The following LARP7 variants were observed in gnomAD, a reference collection of about 807,000 sequenced individuals.
LARP7 encodes the protein La ribonucleoprotein 7, transcriptional regulator.
LARP7 carries 52 observed loss-of-function variants against 69.3 expected under a neutral mutation model. That is an observed-to-expected ratio of 0.75 (90% CI 0.60 to 0.95). The LOEUF is 0.95. LARP7 is among the 40% of genes least tolerant of loss of function. The pLI is 0.00. For missense variants in LARP7, 733 were observed against 673.0 expected (o/e 1.09, Z -0.99); for synonymous variants, 254 against 215.9 (o/e 1.18, Z -1.55).
At chr4:112,646,259 C>G (rs193207449) in intron 2 of LARP7, 92 bp from the exon 3 acceptor site, 7 of 632,200 alleles carry the variant, frequency 1.1e-5, no homozygotes, top group Non-Finnish European at 1.6e-5. Context: ...CATGAGCCAC[C>G]GAGCCTGAGG....
At position 112,645,372 on chromosome 4, in the gene LARP7, TAA is replaced by T. The variant is rs572473768; in HGVS notation, c.202+503_202+504del. On this transcript the variant is annotated intron_variant, in intron 2 of 12. Transcript: ENST00000344442. ...CTGTTGGTAACAGTTTAGGCTATAT[TAA>T]ATAAGCAATTTCAAATCAAAGCTTT... Among the ~76,000 whole-genome samples, 455 of 152,360 alleles carry T rather than the reference TAA, an allele frequency of 3.0e-3. 2 individuals are homozygous for T. Among genetic ancestry groups the T allele is most frequent in the African/African-American group, 8.2e-3 (340 of 41,584 alleles).
intron 1 of LARP7, chr4:112,638,026 T>C (rs2047761018): frequency 6.6e-6 from 1 of 152,360 alleles, no homozygotes; most frequent in South Asian, 2.1e-4. Context: ...CTGGGCACGG[T>C]GGCTCACGCC....
At chr4:112,648,470 A>C (rs763761427) in intron 8 of LARP7, 4 of 534,068 alleles carry the variant, frequency 7.5e-6, no homozygotes, top group Admixed American at 3.9e-5. Flanking sequence ...TATTTTGGAG[A>C]AGTAAATTGG....
intron 10 of LARP7, among the ~76,000 whole-genome samples, chr4:112,651,959 A>G (rs930055788): frequency 1.3e-5 from 2 of 152,008 alleles, no homozygotes; most frequent in African/African-American, 4.8e-5. Context: ...TTAACTAGGT[A>G]AAGAAGTGGG....
chr4:112,640,175 G>A (rs951923632), intron 1 of LARP7, among the ~76,000 whole-genome samples: 19 of 152,128 alleles, frequency 1.2e-4, no homozygotes, highest in African/African-American at 4.6e-4. Context: ...CTGACCTCAA[G>A]TGATACACCT....
chr4:112,647,587 A>ATTAATTAGT (rs71597609), intron 7 of LARP7, 38 bp downstream of exon 7: 7 of 1,414,328 alleles, frequency 4.9e-6, no homozygotes, highest in Non-Finnish European at 6.6e-6. Context: ...AAACTAATTA[A>ATTAATTAGT]TTTTAATTAA....
Position 112,644,740 on chromosome 4 carries a change from A to T in LARP7, c.71A>T (p.Glu24Val), listed in dbSNP as rs770446408. The change falls in exon 2 of 13, where the codon GAA (glutamate) becomes GTA (valine). Residue 24 changes from glutamate (E) to valine (V), a missense_variant. Glu to Val is a moderately radical substitution (Grantham distance 121). Transcript: ENST00000344442. ...AGCACTGAAAAGAAAAAAGAAGTTGAAAAAAAGAAACGGTCACGAGTTAAA... is the reference window on the plus strand; with the variant it reads ...AGCACTGAAAAGAAAAAAGAAGTTGTAAAAAAGAAACGGTCACGAGTTAAA... ...EESTEKKKEV[E>V]KKKRSRVKQV... 1 of 1,610,392 alleles carries T rather than the reference A, an allele frequency of 6.2e-7. No homozygotes were observed. The highest frequency in any genetic ancestry group is 1.3e-5 in the African/African-American group (1 of 74,936).
At chr4:112,646,561 T>C (rs770919509) in intron 3 of LARP7, 27 bp from the exon 4 acceptor site, 11 of 1,371,940 alleles carry the variant, frequency 8.0e-6, no homozygotes, top group Non-Finnish European at 9.9e-6. Flanking sequence ...AATATTAGTT[T>C]TATTAATGTA....
chr4:112,637,663 AAG>A (rs1186722973), intron 1 of LARP7: 1 of 152,272 alleles, frequency 6.6e-6, no homozygotes, highest in Non-Finnish European at 1.5e-5. Flanking sequence ...ATCGTCCTCA[AAG>A]AGTAAAAAAT....
At chr4:112,638,031 C>G (rs1038260445) in intron 1 of LARP7, 7 of 152,360 alleles carry the variant, frequency 4.6e-5, no homozygotes, top group African/African-American at 1.7e-4. Context: ...CACGGTGGCT[C>G]ACGCCTGTAA....
chr4:112,649,762 ATAAATT>A (rs2048622564), intron 9 of LARP7, 76 bp downstream of exon 9: 11 of 955,220 alleles, frequency 1.2e-5, no homozygotes, highest in African/African-American at 1.7e-5. Flanking sequence ...TTGTTATAAG[ATAAATT>A]TTAATTTTAA....
intron 12 of LARP7, chr4:112,655,438 G>T (rs1050256698): frequency 6.6e-6 from 1 of 152,146 alleles, no homozygotes; most frequent in Non-Finnish European, 1.5e-5. Context: ...TGTCGTTAAC[G>T]CAATTTGTTA....
intron 1 of LARP7, among the ~76,000 whole-genome samples, chr4:112,639,937 G>A (rs149207738): frequency 2.0e-4 from 30 of 151,910 alleles, no homozygotes; most frequent in Non-Finnish European, 2.9e-5. Context: ...TATAGCCTAC[G>A]TTTGTGTTTG....
rs1014344340 is a variant in LARP7, at chr4:112,637,187, G to A, written c.-55G>A. 2.0e-5 allele frequency: 3 copies of A among 152,206 alleles called. No homozygotes were observed. The highest frequency in any genetic ancestry group is 7.2e-5 in the African/African-American group (3 of 41,450). The allele number at this position is 152,206 out of a possible 1,614,324, so 9.4% of individuals were successfully genotyped here. On this transcript the variant is annotated 5_prime_UTR_variant, in exon 1 of 13. Coordinates refer to ENST00000344442, the MANE Select transcript of LARP7 (RefSeq NM_016648.4). ...ACCGAGACTATCAGGATCCGGAGAC[G>A]GAAATGTCCGAAGGCCGCAGTACTT...
Position 112,647,416 on chromosome 4 carries a change from TGAA to T in LARP7, c.866_868del (p.Glu289del). On this transcript the variant is annotated inframe_deletion, in exon 7 of 13. Coordinates refer to ENST00000344442, the MANE Select transcript of LARP7 (RefSeq NM_016648.4). The stretch of plus-strand genomic sequence containing the variant: ...ACAGAGTTGAAGCATCTAGCTTACC[TGAA>T]GTCAGAACAGGGAAGAGGAAGAGAA... The T allele has an allele frequency of 6.2e-7, 1 of 1,614,022 alleles. No individual in the cohort carries two copies. Among genetic ancestry groups the T allele is most frequent in the Non-Finnish European group, 8.5e-7 (1 of 1,180,006 alleles).
chr4:112,647,852 A>C lies in LARP7; in HGVS notation c.1142+18A>C, dbSNP rs755081512. Reference sequence around the variant, plus strand: ...CTATCAAAGTAAGTCTGTGGTTTAAATTCTGTCATTGGCTTAACAATCCAT... The same window carrying C: ...CTATCAAAGTAAGTCTGTGGTTTAACTTCTGTCATTGGCTTAACAATCCAT... On this transcript the variant is annotated intron_variant, in intron 8 of 12. Transcript: ENST00000344442. The C allele has an allele frequency of 1.1e-5, 17 of 1,530,778 alleles. No homozygotes were observed. The highest frequency in any genetic ancestry group is 3.4e-5 in the South Asian group (3 of 89,142). 94.8% of individuals were successfully genotyped at this position (1,530,778 alleles called of 1,614,324 possible). A position where few individuals can be genotyped will look rare whatever the true frequency, so the allele number is the denominator to read the frequency against.
At position 112,657,170 on chromosome 4, in the gene LARP7, T is replaced by TTGTGTGTGTGTGTGTGTG. The variant is rs35719274; in HGVS notation, c.1669-63_1669-46dup. 6.7e-3 allele frequency: 3,471 copies of TTGTGTGTGTGTGTGTGTG among 516,602 alleles called. 80 individuals carry two copies. Among genetic ancestry groups the TTGTGTGTGTGTGTGTGTG allele is most frequent in the African/African-American group, 0.054 (2,443 of 45,544 alleles). The allele number at this position is 516,602 out of a possible 1,614,324, so 32.0% of individuals were successfully genotyped here. A position where few individuals can be genotyped will look rare whatever the true frequency, so the allele number is the denominator to read the frequency against. On this transcript the variant is annotated intron_variant, in intron 12 of 12. Transcript: ENST00000344442. ...TGTGAAATTTTTTCTAGTCATAGTTTTGTGTGTGTGTGTGTGTGTGTGTGT... is the reference window on the plus strand; with the variant it reads ...TGTGAAATTTTTTCTAGTCATAGTTTTGTGTGTGTGTGTGTGTGTGTGTGTGTGTGTGTGTGTGTGTGT...
Position 112,647,180 on chromosome 4 carries a change from AATG to A in LARP7, c.647-15_647-13del, listed in dbSNP as rs1424162276. On this transcript the variant is annotated splice_polypyrimidine_tract_variant and intron_variant, in intron 6 of 12. Coordinates refer to ENST00000344442, the MANE Select transcript of LARP7 (RefSeq NM_016648.4). ...TGTAGTTGAAGTAAGATGAACTAATAATGATGGCACTTTTACAGAAGAGAAGAA... is the reference window on the plus strand; with the variant it reads ...TGTAGTTGAAGTAAGATGAACTAATAATGGCACTTTTACAGAAGAGAAGAA... The A allele has an allele frequency of 3.1e-6, 5 of 1,592,232 alleles. No individual in the cohort carries two copies. The highest frequency in any genetic ancestry group is 3.4e-6 in the Non-Finnish European group (4 of 1,174,696).
chr4:112,646,325 CAT>C (rs1491027867), intron 2 of LARP7, 24 bp from the exon 3 acceptor site: 8 of 1,132,358 alleles, frequency 7.1e-6, no homozygotes, highest in Admixed American at 1.8e-5. Context: ...GATACACTAA[CAT>C]ATTAACTTTT....
Sources: gnomAD v4.1 joint callset for allele counts (sites outside exome capture counted in the v4.1 genomes callset) on GRCh38, gnomAD v4.1.1 for gene constraint, MANE v1.5 for transcripts, NCBI Gene and HGNC (gene_info 2026-07-23, HGNC 2026-07-21) for gene names.